The following LRRC1 variants were observed in gnomAD, a reference collection of about 807,000 sequenced individuals.
LRRC1 encodes leucine rich repeat containing 1, also known as leucine-rich repeat-containing protein 1.
Under a neutral mutation model 69.9 loss-of-function variants are expected in LRRC1, and 28 were observed. That is an observed-to-expected ratio of 0.40 (90% CI 0.30 to 0.55). The LOEUF (loss-of-function observed/expected upper bound fraction) is 0.55, where lower values mean the gene tolerates loss of function less well. LRRC1 is among the 20% of genes least tolerant of loss of function. LRRC1 has a pLI of 0.47. For synonymous variants in LRRC1, 236 were observed against 240.2 expected, an observed-to-expected ratio of 0.98 and a Z score of 0.16; for missense variants, 498 against 609.0, an observed-to-expected ratio of 0.82 and a Z score of 1.92.
chr6:53,892,002 AT>A (rs1767714661), intron 4 of LRRC1, among the ~76,000 whole-genome samples: 8 of 109,470 alleles, frequency 7.3e-5, no homozygotes, highest in African/African-American at 2.3e-4. Flanking sequence ...AAAAAAAAAT[AT>A]ATATATATAC....
chr6:53,829,586 T>A (rs1318410780), intron 1 of LRRC1, among the ~76,000 whole-genome samples: 1 of 152,152 alleles, frequency 6.6e-6, no homozygotes, highest in Non-Finnish European at 1.5e-5. Flanking sequence ...CAGAACATGG[T>A]CTCTCCCTGG....
At chr6:53,896,968 G>T (rs1473240197) in intron 6 of LRRC1, 76 bp downstream of exon 6, 3 of 915,566 alleles carry the variant, frequency 3.3e-6, no homozygotes, top group African/African-American at 3.3e-5. Context: ...AGTTCTATAG[G>T]GATCTTTATG....
chr6:53,878,968 A>G lies in LRRC1; in HGVS notation c.278-25A>G, dbSNP rs778169459. ...AAACTGTTAATAATGGTGGCAAATT[A>G]TAGACATTTTCTCTACTCCTGCAGA... is the stretch of plus-strand genomic sequence containing the variant. On this transcript the variant is annotated intron_variant, in intron 2 of 13. Transcript: ENST00000370888. 1.1e-5 allele frequency: 17 copies of G among 1,483,948 alleles called. No individual in the cohort carries two copies. The East Asian group carries it at 2.7e-4, about 24-fold the overall frequency. 91.9% of individuals were successfully genotyped at this position (1,483,948 alleles called of 1,614,324 possible). A position where few individuals can be genotyped will look rare whatever the true frequency, so the allele number is the denominator to read the frequency against.
Position 53,919,682 on chromosome 6 carries a change from T to A in LRRC1, c.1279+12T>A. On this transcript the variant is annotated intron_variant, in intron 12 of 13. Coordinates refer to ENST00000370888, the MANE Select transcript of LRRC1 (RefSeq NM_018214.5). The stretch of plus-strand genomic sequence containing the variant: ...ACCTACTTGTCAAGGTGAATTTAAT[T>A]TAAGGACAGTATTCACAGGGCCACG... 3 of 1,610,744 alleles carry A rather than the reference T, an allele frequency of 1.9e-6. No homozygotes were observed. The highest frequency in any genetic ancestry group is 2.5e-6 in the Non-Finnish European group (3 of 1,178,494).
rs755665482 is a variant in LRRC1, at chr6:53,913,922, G to A, written c.1059G>A (p.Glu353=). The A allele has an allele frequency of 1.4e-5, 22 of 1,612,794 alleles. No homozygotes were observed. In the South Asian group the frequency reaches 2.3e-4, roughly 17 times the overall value. ...ACAGACTAACTCGGATACCTGCAGAGGTGTCACAGGCAACAGAACTTCATG... is the reference window on the plus strand; with the variant it reads ...ACAGACTAACTCGGATACCTGCAGAAGTGTCACAGGCAACAGAACTTCATG... ...RDNRLTRIPA[E]VSQATELHVL... is the part of the protein sequence containing the mutation. Residue 353 remains glutamate, a synonymous_variant, in exon 11 of 14, where the codon GAG becomes GAA. Coordinates refer to ENST00000370888, the MANE Select transcript of LRRC1 (RefSeq NM_018214.5).
intron 1 of LRRC1, among the ~76,000 whole-genome samples, chr6:53,800,687 T>G (rs985745846): frequency 6.6e-5 from 10 of 152,102 alleles, no homozygotes; most frequent in Non-Finnish European, 8.8e-5. Flanking sequence ...TCGCCCAGTC[T>G]GGAGTGTGGT....
At chr6:53,900,868 G>A (rs763116405) in intron 8 of LRRC1, among the ~76,000 whole-genome samples, 5 of 152,170 alleles carry the variant, frequency 3.3e-5, no homozygotes, top group Non-Finnish European at 5.9e-5. Flanking sequence ...AGTTATCGTA[G>A]GATTGCTGTC....
At chr6:53,909,761 T>G (rs1050472993) in intron 10 of LRRC1, among the ~76,000 whole-genome samples, 3 of 152,214 alleles carry the variant, frequency 2.0e-5, no homozygotes, top group African/African-American at 7.2e-5. Flanking sequence ...ATTCTAAAAT[T>G]ATGCTTCATA....
intron 1 of LRRC1, among the ~76,000 whole-genome samples, chr6:53,801,765 T>C: frequency 6.6e-6 from 1 of 152,182 alleles, no homozygotes; most frequent in Non-Finnish European, 1.5e-5. Flanking sequence ...TTAATAATAA[T>C]TATAATGGGT....
In LRRC1 at chr6:53,907,491, G is replaced by A. The variant is rs1768278663; in HGVS notation, c.990+3029G>A. 2.0e-5 allele frequency among the ~76,000 whole-genome samples: 3 copies of A among 152,272 alleles called. No homozygotes were observed. In the South Asian group the frequency reaches 6.2e-4, roughly 32 times the overall value. On this transcript the variant is annotated intron_variant, in intron 10 of 13. Transcript: ENST00000370888. ...CCATGTGGGTCACAATATGGATTCT[G>A]TTTGTGTTTTGTGGTGTTATTTGTA...
intron 1 of LRRC1, among the ~76,000 whole-genome samples, chr6:53,805,740 T>C (rs1014852975): frequency 1.3e-5 from 2 of 152,234 alleles, no homozygotes; most frequent in Non-Finnish European, 2.9e-5. Context: ...TACAGTCTGA[T>C]CATTGTTATC....
intron 1 of LRRC1, among the ~76,000 whole-genome samples, chr6:53,834,271 ACTCT>A (rs1213268850): frequency 2.6e-5 from 4 of 151,192 alleles, no homozygotes; most frequent in South Asian, 2.1e-4. Context: ...TTGCATGTCT[ACTCT>A]CTCTGTCTGG....
intron 1 of LRRC1, among the ~76,000 whole-genome samples, chr6:53,815,583 CGTG>C (rs1311638174): frequency 7.2e-5 from 11 of 152,274 alleles, no homozygotes; most frequent in African/African-American, 2.4e-4. Flanking sequence ...CTTATTGAAA[CGTG>C]GTGACAGTTG....
rs148362351 is a variant in LRRC1 at position 53,898,927 on chromosome 6, C to T, written c.643-820C>T. On this transcript the variant is annotated intron_variant, in intron 7 of 13. Coordinates refer to ENST00000370888, the MANE Select transcript of LRRC1 (RefSeq NM_018214.5). ...AAAAGAAGGTGGTCCAATTATAGGA[C>T]GAGAACTGGCTGTGTTTCAGGAAGG... Among the ~76,000 whole-genome samples, 101 of 152,148 alleles carry T rather than the reference C, an allele frequency of 6.6e-4. 2 individuals carry two copies. The highest frequency in any genetic ancestry group is 2.1e-3 in the African/African-American group (87 of 41,500).
chr6:53,873,090 A>G (rs1766948559), intron 2 of LRRC1, among the ~76,000 whole-genome samples: 1 of 151,800 alleles, frequency 6.6e-6, no homozygotes, highest in African/African-American at 2.4e-5. Context: ...TAAGCACAGT[A>G]TATCTTTCCA....
At chr6:53,808,162 G>C (rs1179649224) in intron 1 of LRRC1, among the ~76,000 whole-genome samples, 3 of 152,236 alleles carry the variant, frequency 2.0e-5, no homozygotes, top group African/African-American at 7.2e-5. Context: ...GAAGCAGGGA[G>C]ACTGGGAGAG....
chr6:53,868,910 A>G (rs1265361778), intron 2 of LRRC1, among the ~76,000 whole-genome samples: 1 of 152,170 alleles, frequency 6.6e-6, no homozygotes, highest in Non-Finnish European at 1.5e-5. Context: ...ATTTGATTCA[A>G]AGCATAGCAG....
intron 10 of LRRC1, among the ~76,000 whole-genome samples, chr6:53,910,570 G>A (rs750284329): frequency 6.6e-6 from 1 of 152,110 alleles, no homozygotes; most frequent in South Asian, 2.1e-4. Context: ...GTATTCAGGT[G>A]TTGATTGTAC....
intron 2 of LRRC1, among the ~76,000 whole-genome samples, chr6:53,845,679 T>C (rs1243753398): frequency 6.6e-6 from 1 of 152,218 alleles, no homozygotes; most frequent in African/African-American, 2.4e-5. Flanking sequence ...AGAAAGTCCA[T>C]TGAGTTAATG....
Sources: allele counts gnomAD v4.1 joint callset (sites outside exome capture counted in the v4.1 genomes callset), GRCh38; gene constraint gnomAD v4.1.1; transcripts MANE v1.5; gene names NCBI Gene and HGNC (gene_info 2026-07-23, HGNC 2026-07-21).